ZMAT4: variants seen among roughly 807,000 people sequenced by gnomAD.
The protein encoded by ZMAT4 is zinc finger matrin-type protein 4.
A neutral mutation model predicts 28.7 loss-of-function variants in ZMAT4; 17 were observed. The observed-to-expected ratio is 0.59, with a 90% CI of 0.41 to 0.89. The LOEUF is 0.89. Among genes scored for constraint, ZMAT4 ranks in the 40% least tolerant of loss-of-function variants. The probability of loss-of-function intolerance (pLI) is 0.00; values close to 1 mark genes in which losing one functional copy is unlikely to be tolerated. For missense variants in ZMAT4, 240 were observed against 283.8 expected, an observed-to-expected ratio of 0.85 and a Z score of 1.11; for synonymous variants, 117 against 109.2, an observed-to-expected ratio of 1.07 and a Z score of -0.44.
At position 40,581,201 on chromosome 8, in the gene ZMAT4, T is replaced by C. The variant is rs1804453258; in HGVS notation, c.638A>G (p.Tyr213Cys). The change falls in exon 6 of 7, where the codon TAT (tyrosine) becomes TGT (cysteine). Residue 213 changes from tyrosine to cysteine, a missense_variant. Physicochemically the swap from Tyr to Cys is radical, Grantham distance 194. Coordinates refer to ENST00000297737, the MANE Select transcript of ZMAT4 (RefSeq NM_024645.3). ...TTTAGATCCTTTCAGATGGGCATGA[T>C]ACTGTTCTATTGAGTTTAGGGAGAC... ...CSVSLNSIEQ[Y>C]HAHLKGSKHQ... 1.9e-6 allele frequency: 3 copies of C among 1,613,540 alleles called. No individual in the cohort carries two copies. The highest frequency in any genetic ancestry group is 2.5e-6 in the Non-Finnish European group (3 of 1,179,586).
At chr8:40,642,588 G>T (rs1289350984) in intron 5 of ZMAT4, among the ~76,000 whole-genome samples, 2 of 152,152 alleles carry the variant, frequency 1.3e-5, no homozygotes, top group Admixed American at 6.5e-5. Context: ...TAATACACAG[G>T]TATGTTCTTC....
At chr8:40,882,576 C>T (rs561856786) in intron 1 of ZMAT4, among the ~76,000 whole-genome samples, 2 of 152,278 alleles carry the variant, frequency 1.3e-5, no homozygotes, top group South Asian at 4.1e-4. Flanking sequence ...CCTGGCACAC[C>T]GGGAGAGAGA....
At chr8:40,796,911 C>T (rs1273259668) in intron 2 of ZMAT4, among the ~76,000 whole-genome samples, 3 of 152,202 alleles carry the variant, frequency 2.0e-5, no homozygotes, top group African/African-American at 4.8e-5. Flanking sequence ...CCATGCAGCA[C>T]AAGGCCTTCC....
At position 40,825,139 on chromosome 8, in the gene ZMAT4, G is replaced by A. The variant is rs567366667; in HGVS notation, c.102+436C>T. Among the ~76,000 whole-genome samples the A allele has an allele frequency of 3.9e-5, 6 of 152,228 alleles. No homozygotes were observed. In the East Asian group the frequency reaches 9.7e-4, roughly 25 times the overall value. ...AATTTTCAGGGAGGAAGTGGCCCAC[G>A]GCTGCTTCATTACTTGCTGCTGTCT... On this transcript the variant is annotated intron_variant, in intron 2 of 6. Transcript: ENST00000297737.
intron 5 of ZMAT4, among the ~76,000 whole-genome samples, chr8:40,637,443 A>G (rs1806836460): frequency 6.6e-6 from 1 of 152,204 alleles, no homozygotes; most frequent in African/African-American, 2.4e-5. Context: ...CCAGGTCTGG[A>G]CAAAGTGACT....
intron 5 of ZMAT4, among the ~76,000 whole-genome samples, chr8:40,633,538 A>G (rs371043756): frequency 9.9e-5 from 15 of 152,176 alleles, no homozygotes; most frequent in African/African-American, 3.4e-4. Context: ...GGTAGCACAT[A>G]AAAGGTCTGT....
chr8:40,705,142 TG>T (rs1253012771), intron 3 of ZMAT4, among the ~76,000 whole-genome samples: 1 of 152,224 alleles, frequency 6.6e-6, no homozygotes, highest in African/African-American at 2.4e-5. Flanking sequence ...TGAAGAATTT[TG>T]TTTGCCTTTG....
chr8:40,586,342 C>A (rs945437975), intron 5 of ZMAT4, among the ~76,000 whole-genome samples: 7 of 152,154 alleles, frequency 4.6e-5, no homozygotes, highest in Non-Finnish European at 1.0e-4. Context: ...TTCTGCCGAC[C>A]TAAAGGCTAT....
rs180824742 is a variant in ZMAT4, at chr8:40,621,411, C to G, written c.578-40150G>C. ...AAATGACTGAGAGTAGGATACAGTT[C>G]CATCAGCTGGTGCTAATGAGCCCAA... On this transcript the variant is annotated intron_variant, in intron 5 of 6. Coordinates refer to ENST00000297737, the MANE Select transcript of ZMAT4 (RefSeq NM_024645.3). 1.3e-3 allele frequency among the ~76,000 whole-genome samples: 198 copies of G among 152,294 alleles called. 1 individual carries two copies. The highest frequency in any genetic ancestry group is 1.0e-3 in the Non-Finnish European group (71 of 68,020).
intron 4 of ZMAT4, among the ~76,000 whole-genome samples, chr8:40,688,660 A>G (rs1186984311): frequency 6.6e-6 from 1 of 152,162 alleles, no homozygotes; most frequent in Non-Finnish European, 1.5e-5. Flanking sequence ...TACACAAGAG[A>G]AACAACTTCT....
At chr8:40,890,627 A>G (rs2150670900) in intron 1 of ZMAT4, among the ~76,000 whole-genome samples, 1 of 152,104 alleles carries the variant, frequency 6.6e-6, no homozygotes, top group African/African-American at 2.4e-5. Flanking sequence ...CAACTGCTGG[A>G]CCATTTTTCC....
chr8:40,664,122 T>C (rs1808307866), intron 5 of ZMAT4, among the ~76,000 whole-genome samples: 1 of 152,084 alleles, frequency 6.6e-6, no homozygotes. Flanking sequence ...TTGGGTACTG[T>C]GGGTGATATG....
chr8:40,670,930 G>A (rs1763471941), intron 5 of ZMAT4, among the ~76,000 whole-genome samples: 1 of 152,006 alleles, frequency 6.6e-6, no homozygotes, highest in African/African-American at 2.4e-5. Flanking sequence ...AGCTGGGCGT[G>A]GTGGCACTGC....
At chr8:40,645,621 A>C (rs979046663) in intron 5 of ZMAT4, among the ~76,000 whole-genome samples, 1 of 152,170 alleles carries the variant, frequency 6.6e-6, no homozygotes, top group African/African-American at 2.4e-5. Flanking sequence ...CCTTAGGATG[A>C]AAGTATTCAA....
chr8:40,812,252 C>CA (rs1346082253), intron 2 of ZMAT4, among the ~76,000 whole-genome samples: 7 of 152,198 alleles, frequency 4.6e-5, no homozygotes, highest in Non-Finnish European at 8.8e-5. Flanking sequence ...ACCTGACAGT[C>CA]ACTCCCTCAG....
At chr8:40,609,512 G>T (rs1314356611) in intron 5 of ZMAT4, among the ~76,000 whole-genome samples, 1 of 152,154 alleles carries the variant, frequency 6.6e-6, no homozygotes, top group Non-Finnish European at 1.5e-5. Context: ...GCTGACTAGT[G>T]CCTGAAGGCT....
chr8:40,877,296 G>T (rs898677611), intron 1 of ZMAT4, among the ~76,000 whole-genome samples: 5 of 152,174 alleles, frequency 3.3e-5, no homozygotes, highest in Non-Finnish European at 5.9e-5. Flanking sequence ...AATTTCTGTT[G>T]TTGAAACACC....
At chr8:40,593,307 C>A (rs576558856) in intron 5 of ZMAT4, among the ~76,000 whole-genome samples, 1 of 152,270 alleles carries the variant, frequency 6.6e-6, no homozygotes, top group South Asian at 2.1e-4. Context: ...TATCAAGATA[C>A]ACAGTGGGTT....
At chr8:40,869,925 C>T (rs10504036) in intron 1 of ZMAT4, among the ~76,000 whole-genome samples, 35,074 of 151,974 alleles carry the variant, frequency 0.23, 4,875 homozygotes, top group East Asian at 0.4. Context: ...CTTTACCATC[C>T]TTAGGCATGT....
Sources: allele counts gnomAD v4.1 joint callset (sites outside exome capture counted in the v4.1 genomes callset), GRCh38; gene constraint gnomAD v4.1.1; transcripts MANE v1.5; gene names NCBI Gene and HGNC (gene_info 2026-07-23, HGNC 2026-07-21).